The following NRG3 variants were observed in gnomAD, a reference collection of about 807,000 sequenced individuals.
NRG3 encodes pro-neuregulin-3, membrane-bound isoform.
Under a neutral mutation model 66.9 loss-of-function variants are expected in NRG3, and 31 were observed. The ratio of observed to expected loss-of-function variants is 0.46; its 90% CI spans 0.35 to 0.63. The LOEUF (loss-of-function observed/expected upper bound fraction) is 0.63. Among genes scored for constraint, NRG3 ranks in the 20% least tolerant of loss-of-function variants. NRG3 has a pLI of 0.00. For synonymous variants in NRG3, 393 were observed against 359.4 expected (o/e 1.09, Z -1.06); for missense variants, 910 against 878.9 (o/e 1.04, Z -0.45).
At position 82,545,536 on chromosome 10, in the gene NRG3, G is replaced by A. The variant is rs573152700; in HGVS notation, c.953+186668G>A. On this transcript the variant is annotated intron_variant, in intron 2 of 8. Transcript: ENST00000372141. ...TGGTACTATAGGCACCCGCCACCAC[G>A]CCTGGCTAATTTCTTTTTGTATTTT... is the stretch of plus-strand genomic sequence containing the variant. Among the ~76,000 whole-genome samples the A allele has an allele frequency of 1.6e-4, 24 of 151,588 alleles. No individual in the cohort carries two copies. The South Asian group carries it at 2.1e-3, about 13-fold the overall frequency.
chr10:81,943,289 G>C (rs555925031), intron 1 of NRG3, among the ~76,000 whole-genome samples: 1 of 152,136 alleles, frequency 6.6e-6, no homozygotes, highest in Non-Finnish European at 1.5e-5. Flanking sequence ...GCTGAGGCAG[G>C]AGGACTACTT....
At chr10:82,236,674 C>T (rs1016579428) in intron 1 of NRG3, among the ~76,000 whole-genome samples, 4 of 149,966 alleles carry the variant, frequency 2.7e-5, no homozygotes, top group Non-Finnish European at 4.5e-5. Context: ...TTCATCCTGG[C>T]CTCCCTCTAT....
intron 3 of NRG3, among the ~76,000 whole-genome samples, chr10:82,822,591 C>T (rs544959071): frequency 6.6e-6 from 1 of 152,238 alleles, no homozygotes; most frequent in Admixed American, 6.5e-5. Context: ...AAGTGGACCC[C>T]AGATTATTGA....
intron 2 of NRG3, among the ~76,000 whole-genome samples, chr10:82,707,799 A>T (rs1207968644): frequency 7.0e-6 from 1 of 142,956 alleles, no homozygotes; most frequent in Admixed American, 7.3e-5. Flanking sequence ...ACCTGTGGTC[A>T]GGAGTTTGAG....
chr10:81,971,819 G>A (rs767360384), intron 1 of NRG3, among the ~76,000 whole-genome samples: 7 of 152,218 alleles, frequency 4.6e-5, no homozygotes, highest in Non-Finnish European at 8.8e-5. Flanking sequence ...GAAGAGATTT[G>A]TCTAGAGAAA....
At chr10:82,220,945 T>A (rs967015213) in intron 1 of NRG3, among the ~76,000 whole-genome samples, 35 of 152,216 alleles carry the variant, frequency 2.3e-4, no homozygotes, top group African/African-American at 7.9e-4. Context: ...GATCATACCA[T>A]CACATGCCAG....
intron 3 of NRG3, among the ~76,000 whole-genome samples, chr10:82,851,155 A>G (rs1238797593): frequency 6.6e-6 from 1 of 152,166 alleles, no homozygotes; most frequent in Non-Finnish European, 1.5e-5. Context: ...TTATTATTTA[A>G]ATTTCCTAAT....
At chr10:82,528,413 C>A (rs1846932775) in intron 2 of NRG3, among the ~76,000 whole-genome samples, 1 of 152,152 alleles carries the variant, frequency 6.6e-6, no homozygotes, top group South Asian at 2.1e-4. Context: ...AGGTAGGGAT[C>A]TCCCATCATG....
At chr10:82,276,800 C>A (rs191566065) in intron 1 of NRG3, among the ~76,000 whole-genome samples, 3 of 152,020 alleles carry the variant, frequency 2.0e-5, no homozygotes, top group East Asian at 1.9e-4. Context: ...CAATGCTTAC[C>A]ATGTAATACA....
intron 3 of NRG3, among the ~76,000 whole-genome samples, chr10:82,788,171 G>A (rs913488517): frequency 1.8e-4 from 27 of 152,290 alleles, no homozygotes; most frequent in African/African-American, 6.5e-4. Flanking sequence ...GAGAAGTAGA[G>A]CAACTCAAAT....
intron 2 of NRG3, among the ~76,000 whole-genome samples, chr10:82,475,043 A>G (rs1395618079): frequency 6.6e-6 from 1 of 152,010 alleles, no homozygotes; most frequent in African/African-American, 2.4e-5. Context: ...GCCTAGCTTT[A>G]TACTTTAAAA....
intron 1 of NRG3, among the ~76,000 whole-genome samples, chr10:82,097,878 T>C (rs1273958992): frequency 6.6e-6 from 1 of 152,162 alleles, no homozygotes; most frequent in Non-Finnish European, 1.5e-5. Flanking sequence ...CATATGTTTG[T>C]GATTATTTGC....
intron 1 of NRG3, among the ~76,000 whole-genome samples, chr10:82,145,212 C>T (rs2070156106): frequency 6.6e-6 from 1 of 152,144 alleles, no homozygotes; most frequent in African/African-American, 2.4e-5. Flanking sequence ...CCCCAGAGCT[C>T]AGTCAACAAG....
chr10:82,745,774 G>A (rs2058615451), intron 3 of NRG3, among the ~76,000 whole-genome samples: 1 of 152,100 alleles, frequency 6.6e-6, no homozygotes, highest in Non-Finnish European at 1.5e-5. Flanking sequence ...TTATTTACAA[G>A]AAAGGAAAAA....
At chr10:81,958,297 CT>C (rs1850030283) in intron 1 of NRG3, among the ~76,000 whole-genome samples, 1 of 152,146 alleles carries the variant, frequency 6.6e-6, no homozygotes, top group South Asian at 2.1e-4. Flanking sequence ...AAATGGTATT[CT>C]TTTGCAGAGT....
chr10:82,198,645 C>G (rs1457968363), intron 1 of NRG3, among the ~76,000 whole-genome samples: 2 of 152,138 alleles, frequency 1.3e-5, no homozygotes, highest in Non-Finnish European at 2.9e-5. Flanking sequence ...CATTCACCCC[C>G]TCTTCAAATT....
intron 1 of NRG3, among the ~76,000 whole-genome samples, chr10:82,168,333 A>T (rs1590386755): frequency 6.6e-6 from 1 of 152,104 alleles, no homozygotes; most frequent in African/African-American, 2.4e-5. Context: ...CTCTTGGAAG[A>T]TCCCAGTAGG....
chr10:81,955,857 G>T (rs1026313983), intron 1 of NRG3, among the ~76,000 whole-genome samples: 1 of 152,258 alleles, frequency 6.6e-6, no homozygotes, highest in Non-Finnish European at 1.5e-5. Flanking sequence ...CATTTATCCA[G>T]CTGCTCCCTC....
At chr10:82,671,004 G>A (rs1272240442) in intron 2 of NRG3, among the ~76,000 whole-genome samples, 1 of 152,076 alleles carries the variant, frequency 6.6e-6, no homozygotes, top group Non-Finnish European at 1.5e-5. Context: ...TCCACCTCTG[G>A]GAGGCAATAA....
Sources: gnomAD v4.1 joint callset for allele counts (sites outside exome capture counted in the v4.1 genomes callset) on GRCh38, gnomAD v4.1.1 for gene constraint, MANE v1.5 for transcripts, NCBI Gene and HGNC (gene_info 2026-07-23, HGNC 2026-07-21) for gene names.